ARPC1A: variants seen among roughly 807,000 people sequenced by gnomAD.
ARPC1A encodes actin related protein 2/3 complex subunit 1A.
Under a neutral mutation model 46.9 loss-of-function variants are expected in ARPC1A, and 8 were observed. The ratio of observed to expected loss-of-function variants is 0.17; its 90% CI spans 0.10 to 0.31. The LOEUF (loss-of-function observed/expected upper bound fraction) is 0.31. ARPC1A is among the 10% of genes least tolerant of loss of function. The pLI, the probability that ARPC1A is intolerant of heterozygous loss-of-function variation, is 1.00. For missense variants in ARPC1A, 286 were observed against 483.6 expected (o/e 0.59, Z 3.83); for synonymous variants, 152 against 169.0 (o/e 0.90, Z 0.78).
chr7:99,364,814 G>A (rs1252665030), intron 9 of ARPC1A, among the ~76,000 whole-genome samples: 3 of 152,178 alleles, frequency 2.0e-5, no homozygotes, highest in African/African-American at 7.2e-5. Flanking sequence ...GCTGAGCACT[G>A]AGAATATCCA....
chr7:99,360,430 A>G (rs1029333069), intron 8 of ARPC1A, among the ~76,000 whole-genome samples: 3 of 151,682 alleles, frequency 2.0e-5, no homozygotes, highest in Non-Finnish European at 1.5e-5. Flanking sequence ...GGTTCAAGCA[A>G]TTCTCCTGCC....
chr7:99,330,232 A>G (rs893240566), intron 1 of ARPC1A, among the ~76,000 whole-genome samples: 2 of 152,184 alleles, frequency 1.3e-5, no homozygotes, highest in African/African-American at 4.8e-5. Context: ...ATGAAATGCT[A>G]GCATTTCTCT....
At position 99,348,833 on chromosome 7, in the gene ARPC1A, C is replaced by T. The variant is rs1793504903; in HGVS notation, c.393-19C>T. 6.2e-7 allele frequency: 1 copy of T among 1,603,292 alleles called. No individual in the cohort carries two copies. ...TGCTGGTTGAGTGGATAAACTGAAA[C>T]AGTTTTCCCCTCTCATAGGTGGGTG... is the stretch of plus-strand genomic sequence containing the variant. On this transcript the variant is annotated intron_variant, in intron 4 of 9. Coordinates refer to ENST00000262942, the MANE Select transcript of ARPC1A (RefSeq NM_006409.4).
At chr7:99,358,958 A>T (rs1221947525) in intron 7 of ARPC1A, among the ~76,000 whole-genome samples, 1 of 151,842 alleles carries the variant, frequency 6.6e-6, no homozygotes, top group African/African-American at 2.4e-5. Context: ...CAGCGTCCTG[A>T]GTAGCTGGGA....
intron 8 of ARPC1A, among the ~76,000 whole-genome samples, chr7:99,360,607 G>GT (rs1226762603): frequency 1.3e-5 from 2 of 151,988 alleles, no homozygotes; most frequent in Non-Finnish European, 2.9e-5. Context: ...AATTACAGGC[G>GT]TAAGCTACCG....
intron 1 of ARPC1A, among the ~76,000 whole-genome samples, chr7:99,329,974 T>G (rs984005976): frequency 6.6e-6 from 1 of 152,140 alleles, no homozygotes; most frequent in African/African-American, 2.4e-5. Context: ...TAGCTGTTAC[T>G]AAAATCTGTT....
At chr7:99,335,405 G>A (rs1793228920) in intron 2 of ARPC1A, 1 of 445,524 alleles carries the variant, frequency 2.2e-6, no homozygotes. Context: ...GTTTATTTCT[G>A]GACTCTCAAT....
chr7:99,333,994 T>C (rs1793193867), intron 2 of ARPC1A, among the ~76,000 whole-genome samples: 1 of 147,288 alleles, frequency 6.8e-6, no homozygotes. Flanking sequence ...AGAAAAACTG[T>C]GTGTGTGTGT....
intron 3 of ARPC1A, chr7:99,339,876 G>A: frequency 2.3e-6 from 1 of 428,532 alleles, no homozygotes. Context: ...TATCTGCAGT[G>A]CAGTGTTGCC....
intron 1 of ARPC1A, among the ~76,000 whole-genome samples, chr7:99,332,026 C>T (rs1793151249): frequency 6.6e-6 from 1 of 152,170 alleles, no homozygotes; most frequent in African/African-American, 2.4e-5. Context: ...TGGAATAGTC[C>T]AGGCCAGTTC....
intron 5 of ARPC1A, among the ~76,000 whole-genome samples, chr7:99,352,140 C>T (rs763526277): frequency 2.0e-5 from 3 of 152,154 alleles, no homozygotes; most frequent in Non-Finnish European, 4.4e-5. Flanking sequence ...TGCTCTCCCA[C>T]CATTGACTGC....
At chr7:99,344,787 C>T (rs753925413) in intron 4 of ARPC1A, among the ~76,000 whole-genome samples, 2 of 151,192 alleles carry the variant, frequency 1.3e-5, no homozygotes, top group African/African-American at 2.4e-5. Flanking sequence ...CTCTATACTG[C>T]GCAAATTGCT....
At chr7:99,354,148 G>A (rs755316809) in intron 6 of ARPC1A, 27 bp downstream of exon 6, 1 of 1,604,798 alleles carries the variant, frequency 6.2e-7, no homozygotes, top group Non-Finnish European at 8.5e-7. Context: ...CATTTGGAAG[G>A]TGGGGAACAA....
In ARPC1A at chr7:99,348,140, A is replaced by T. The variant is rs112846420; in HGVS notation, c.393-712A>T. Among the ~76,000 whole-genome samples the T allele has an allele frequency of 6.3e-3, 960 of 152,278 alleles. 13 individuals carry two copies. The highest frequency in any genetic ancestry group is 0.022 in the African/African-American group (921 of 41,572). On this transcript the variant is annotated intron_variant, in intron 4 of 9. Transcript: ENST00000262942. ...ATTTGCAGATTCGTGGAGACTTGGG[A>T]AGGATATTAAGCTGTCTTACAACCC... is the stretch of plus-strand genomic sequence containing the variant.
intron 3 of ARPC1A, 37 bp downstream of exon 3, chr7:99,338,322 C>G (rs1321902551): frequency 1.4e-6 from 2 of 1,461,730 alleles, no homozygotes; most frequent in Non-Finnish European, 1.9e-6. Flanking sequence ...TGTGATATTT[C>G]CAAATCAGGC....
chr7:99,333,674 T>A (rs1793187262), intron 2 of ARPC1A, among the ~76,000 whole-genome samples: 1 of 152,314 alleles, frequency 6.6e-6, no homozygotes, highest in Admixed American at 6.5e-5. Context: ...ATAAGCTGTT[T>A]CAGAGACAAG....
At chr7:99,357,471 C>T (rs954172436) in intron 6 of ARPC1A, among the ~76,000 whole-genome samples, 1 of 151,894 alleles carries the variant, frequency 6.6e-6, no homozygotes, top group Admixed American at 6.6e-5. Flanking sequence ...CAGACGTGCA[C>T]CACCACTCTA....
At chr7:99,353,372 A>G (rs1413329042) in intron 5 of ARPC1A, among the ~76,000 whole-genome samples, 2 of 151,872 alleles carry the variant, frequency 1.3e-5, no homozygotes, top group African/African-American at 2.4e-5. Flanking sequence ...ATTAGCCAGG[A>G]TGGTCTCGAT....
intron 2 of ARPC1A, 150 bp downstream of exon 2, chr7:99,333,567 T>C: frequency 1.4e-6 from 1 of 696,046 alleles, no homozygotes; most frequent in Non-Finnish European, 2.3e-6. Context: ...GTCAGTCCTT[T>C]GGTTTACAGA....
Sources: allele counts gnomAD v4.1 joint callset (sites outside exome capture counted in the v4.1 genomes callset), GRCh38; gene constraint gnomAD v4.1.1; transcripts MANE v1.5; gene names NCBI Gene and HGNC (gene_info 2026-07-23, HGNC 2026-07-21).